Variants in RCAN1 observed in about 807,000 individuals in gnomAD.
The protein encoded by RCAN1 is regulator of calcineurin 1, also known as calcipressin-1.
RCAN1 carries 11 observed loss-of-function variants against 22.9 expected under a neutral mutation model. The ratio of observed to expected loss-of-function variants is 0.48; its 90% CI spans 0.30 to 0.79. The LOEUF (loss-of-function observed/expected upper bound fraction) is 0.79. Among genes scored for constraint, RCAN1 ranks in the 30% least tolerant of loss-of-function variants. The pLI is 0.06. For missense variants in RCAN1, 291 were observed against 337.8 expected, an observed-to-expected ratio of 0.86 and a Z score of 1.09; for synonymous variants, 136 against 142.3, an observed-to-expected ratio of 0.96 and a Z score of 0.32.
chr21:34,581,414 T>C (rs1987604555), intron 1 of RCAN1, among the ~76,000 whole-genome samples: 1 of 152,098 alleles, frequency 6.6e-6, no homozygotes, highest in African/African-American at 2.4e-5. Flanking sequence ...AGCTGAAAAA[T>C]GAATTGCTGT....
In RCAN1 at chr21:34,518,201, A is replaced by C; in HGVS notation, c.642T>G (p.His214Gln). 6.2e-7 allele frequency: 1 copy of C among 1,614,052 alleles called. No individual in the cohort carries two copies. Among genetic ancestry groups the C allele is most frequent in the Non-Finnish European group, 8.5e-7 (1 of 1,179,994 alleles). Residue 214 changes from histidine to glutamine, a missense_variant, in exon 4 of 4, where the codon CAT becomes CAG. Coordinates refer to ENST00000313806, the MANE Select transcript of RCAN1 (RefSeq NM_004414.7). The surrounding 1 kb of genome is among the most constrained non-coding windows in gnomAD (Gnocchi z 4.2). The part of the protein sequence containing the change: ...ATDTTPSVVV[H>Q]VCESDQEKEE... ...CCTTCTCTTGATCACTCTCACATAC[A>C]TGGACCACCACGCTGGGAGTGGTGT...
chr21:34,539,338 T>A (rs1568895221), intron 1 of RCAN1, among the ~76,000 whole-genome samples: 1 of 152,214 alleles, frequency 6.6e-6, no homozygotes, highest in Non-Finnish European at 1.5e-5. Flanking sequence ...CCACTCATAG[T>A]AAGGTGGTGA....
chr21:34,610,667 G>C (rs1988662708), intron 1 of RCAN1, among the ~76,000 whole-genome samples: 1 of 152,198 alleles, frequency 6.6e-6, no homozygotes, highest in African/African-American at 2.4e-5. Context: ...AGCTTTCCAG[G>C]CGATTCCCAG....
chr21:34,607,370 G>A (rs945043760), intron 1 of RCAN1, among the ~76,000 whole-genome samples: 3 of 151,486 alleles, frequency 2.0e-5, no homozygotes, highest in Non-Finnish European at 4.4e-5. Context: ...TTTTAATAAT[G>A]TCAGGGATCC....
rs1411868456 is a variant in RCAN1, at chr21:34,517,134, G to A, written c.*950C>T. ...CAAGTGTATCTTGATGTCTTCGTGG[G>A]GTAAAAGAACCAACTATCTCAACCA... On this transcript the variant is annotated 3_prime_UTR_variant, in exon 4 of 4. Transcript: ENST00000313806. The A allele has an allele frequency of 1.3e-5, 2 of 152,166 alleles. No individual in the cohort carries two copies. Among genetic ancestry groups the A allele is most frequent in the Non-Finnish European group, 2.9e-5 (2 of 68,036 alleles). 9.4% of individuals were successfully genotyped at this position (152,166 alleles called of 1,614,324 possible).
At chr21:34,525,279 G>A (rs1383607682) in intron 1 of RCAN1, 23 of 1,550,404 alleles carry the variant, frequency 1.5e-5, no homozygotes, top group Non-Finnish European at 2.0e-5. Flanking sequence ...AGGAGCAGTC[G>A]GAACAACCTA....
chr21:34,588,447 G>A (rs991748084), intron 1 of RCAN1, among the ~76,000 whole-genome samples: 1 of 152,180 alleles, frequency 6.6e-6, no homozygotes, highest in Non-Finnish European at 1.5e-5. Flanking sequence ...CTGTATGTAT[G>A]TTATACTTCA....
intron 1 of RCAN1, among the ~76,000 whole-genome samples, chr21:34,610,391 C>A (rs966044034): frequency 7.2e-5 from 11 of 152,178 alleles, no homozygotes; most frequent in African/African-American, 2.7e-4. Flanking sequence ...AAACCAAATG[C>A]CCCATCTCCT....
At chr21:34,610,289 G>C (rs1988649039) in intron 1 of RCAN1, among the ~76,000 whole-genome samples, 1 of 152,200 alleles carries the variant, frequency 6.6e-6, no homozygotes, top group South Asian at 2.1e-4. Context: ...CCTGCGACCA[G>C]AAAACAAGTT....
chr21:34,556,745 T>C (rs760252371), intron 1 of RCAN1, among the ~76,000 whole-genome samples: 17 of 152,238 alleles, frequency 1.1e-4, no homozygotes, highest in Non-Finnish European at 2.4e-4. Flanking sequence ...CAGTGCACCG[T>C]TCAGGTGAAG....
rs1197616533 is a variant in RCAN1 at position 34,595,846 on chromosome 21, T to A, written c.252+18914A>T. ...TGGGGACCTGTGGTGTCAGACAAGC[T>A]GACCACCCCCCGGCAGGGGTGGGAC... On this transcript the variant is annotated intron_variant, in intron 1 of 3. Transcript: ENST00000313806. Among the ~76,000 whole-genome samples the A allele has an allele frequency of 2.6e-5, 4 of 152,216 alleles. No homozygotes were observed. In the East Asian group the frequency reaches 7.7e-4, roughly 29 times the overall value.
At chr21:34,582,542 T>C (rs1052313768) in intron 1 of RCAN1, among the ~76,000 whole-genome samples, 2 of 152,038 alleles carry the variant, frequency 1.3e-5, no homozygotes, top group East Asian at 1.9e-4. Flanking sequence ...ACTTGGCACA[T>C]GGGAGCAGTA....
At chr21:34,524,802 G>A (rs542490038) in intron 1 of RCAN1, among the ~76,000 whole-genome samples, 1 of 152,268 alleles carries the variant, frequency 6.6e-6, no homozygotes, top group Non-Finnish European at 1.5e-5. Context: ...AGCTTAGGTT[G>A]CTCAGGGGAC....
Position 34,614,696 on chromosome 21 carries a change from G to T in RCAN1, c.252+64C>A. Reference sequence around the variant, plus strand: ...GCCGGGACTGGGCGCTGCGACCCGCGCCGCCTCCTCGGGCAACAAGTGTCC... The same window carrying T: ...GCCGGGACTGGGCGCTGCGACCCGCTCCGCCTCCTCGGGCAACAAGTGTCC... On this transcript the variant is annotated intron_variant, in intron 1 of 3. Coordinates refer to ENST00000313806, the MANE Select transcript of RCAN1 (RefSeq NM_004414.7). This position sits in a 1 kb window ranked among gnomAD's most constrained non-coding sequence, Gnocchi z 6.0. 7.6e-7 allele frequency: 1 copy of T among 1,310,968 alleles called. No individual in the cohort carries two copies. Among genetic ancestry groups the T allele is most frequent in the Admixed American group, 3.8e-5 (1 of 26,184 alleles). 81.2% of individuals were successfully genotyped at this position (1,310,968 alleles called of 1,614,324 possible). A position where few individuals can be genotyped will look rare whatever the true frequency, so the allele number is the denominator to read the frequency against.
intron 1 of RCAN1, among the ~76,000 whole-genome samples, chr21:34,606,327 C>T (rs1988525287): frequency 6.6e-6 from 1 of 152,148 alleles, no homozygotes; most frequent in African/African-American, 2.4e-5. Flanking sequence ...GTGCTGCCTG[C>T]TGCACCCTTG....
At chr21:34,572,459 G>A (rs1305145668) in intron 1 of RCAN1, among the ~76,000 whole-genome samples, 1 of 152,162 alleles carries the variant, frequency 6.6e-6, no homozygotes, top group African/African-American at 2.4e-5. Context: ...GGGGGCCCCA[G>A]GGTGGACCCC....
At chr21:34,575,596 C>G (rs1294915164) in intron 1 of RCAN1, among the ~76,000 whole-genome samples, 2 of 152,198 alleles carry the variant, frequency 1.3e-5, no homozygotes, top group African/African-American at 2.4e-5. Flanking sequence ...GATCATGGCT[C>G]ACTGCAGCCT....
At chr21:34,570,479 T>C (rs943596974) in intron 1 of RCAN1, among the ~76,000 whole-genome samples, 1 of 152,216 alleles carries the variant, frequency 6.6e-6, no homozygotes, top group Non-Finnish European at 1.5e-5. Context: ...GAGTTAAGAT[T>C]ATAAAGCAGC....
chr21:34,611,384 A>G (rs1988683725), intron 1 of RCAN1, among the ~76,000 whole-genome samples: 2 of 152,258 alleles, frequency 1.3e-5, no homozygotes, highest in South Asian at 4.1e-4. Flanking sequence ...CTCATTATAC[A>G]GTATTTACAA....
Sources: allele counts gnomAD v4.1 joint callset (sites outside exome capture counted in the v4.1 genomes callset), GRCh38; gene constraint gnomAD v4.1.1; non-coding constraint Gnocchi (gnomAD v3.1); transcripts MANE v1.5; gene names NCBI Gene and HGNC (gene_info 2026-07-23, HGNC 2026-07-21).